Variants in NELL1 observed in about 807,000 individuals in gnomAD.
The protein encoded by NELL1 is neural EGFL like 1, also known as protein kinase C-binding protein NELL1.
Under a neutral mutation model 107.4 loss-of-function variants are expected in NELL1, and 76 were observed. The ratio of observed to expected loss-of-function variants is 0.71; its 90% CI spans 0.59 to 0.86. The LOEUF (loss-of-function observed/expected upper bound fraction) is 0.86, where lower values mean the gene tolerates loss of function less well. NELL1 is among the 40% of genes least tolerant of loss of function. NELL1 has a pLI of 0.00. For missense variants in NELL1, 1,024 were observed against 1,005.5 expected (o/e 1.02, Z -0.25); for synonymous variants, 353 against 341.2 (o/e 1.03, Z -0.38).
At chr11:20,979,641 C>G (rs915245047) in intron 12 of NELL1, among the ~76,000 whole-genome samples, 8 of 152,190 alleles carry the variant, frequency 5.3e-5, no homozygotes, top group African/African-American at 1.7e-4. Flanking sequence ...TCTTGGAACT[C>G]TTAAATTCCC....
chr11:21,507,217 T>C (rs115873756), intron 15 of NELL1, among the ~76,000 whole-genome samples: 1,555 of 152,344 alleles, frequency 0.01, 37 homozygotes, highest in African/African-American at 0.036. Flanking sequence ...TTTTTTCTTC[T>C]TCATTGAATA....
chr11:21,134,009 C>T (rs949015368), intron 13 of NELL1, among the ~76,000 whole-genome samples: 5 of 152,254 alleles, frequency 3.3e-5, no homozygotes, highest in Admixed American at 2.6e-4. Context: ...CACTTTCAGA[C>T]AGGCCGCAGC....
intron 2 of NELL1, among the ~76,000 whole-genome samples, chr11:20,745,704 G>A (rs1012551799): frequency 1.3e-5 from 2 of 152,130 alleles, no homozygotes; most frequent in Non-Finnish European, 2.9e-5. Flanking sequence ...TTTCCATCCA[G>A]TTTAGACCCA....
intron 2 of NELL1, among the ~76,000 whole-genome samples, chr11:20,764,866 T>G (rs1856497440): frequency 6.6e-6 from 1 of 152,196 alleles, no homozygotes; most frequent in Admixed American, 6.5e-5. Flanking sequence ...GGCTGCTGTT[T>G]AAATTGGAAT....
At chr11:21,233,265 A>C (rs1858112480) in intron 14 of NELL1, among the ~76,000 whole-genome samples, 1 of 152,222 alleles carries the variant, frequency 6.6e-6, no homozygotes, top group Admixed American at 6.5e-5. Context: ...TATCTCATTT[A>C]GTTCCCACCA....
intron 15 of NELL1, among the ~76,000 whole-genome samples, chr11:21,380,044 G>T (rs938403229): frequency 2.0e-5 from 3 of 152,030 alleles, no homozygotes; most frequent in African/African-American, 7.2e-5. Flanking sequence ...GGGCATCTGG[G>T]GGGAGAATGA....
intron 5 of NELL1, among the ~76,000 whole-genome samples, chr11:20,894,012 G>A (rs1176705682): frequency 6.6e-6 from 1 of 152,124 alleles, no homozygotes; most frequent in Non-Finnish European, 1.5e-5. Flanking sequence ...GTATGTTGTA[G>A]CCTGGCAGAA....
intron 13 of NELL1, among the ~76,000 whole-genome samples, chr11:21,121,639 C>A (rs902535832): frequency 9.9e-5 from 15 of 151,976 alleles, no homozygotes; most frequent in African/African-American, 3.6e-4. Flanking sequence ...TTCAGTGACC[C>A]CACTATCTCA....
At chr11:21,107,773 G>A (rs1160005425) in intron 12 of NELL1, among the ~76,000 whole-genome samples, 1 of 152,152 alleles carries the variant, frequency 6.6e-6, no homozygotes, top group Non-Finnish European at 1.5e-5. Flanking sequence ...TAGAAGTGAT[G>A]GTTGGCTAAA....
Position 21,483,416 on chromosome 11 carries a change from T to G in NELL1, c.1646-50958T>G, listed in dbSNP as rs557620537. ...TATATGCTTCCTGCAAAGTACGTCT[T>G]CAACAAGCTAACTAAATGAACTGCT... On this transcript the variant is annotated intron_variant, in intron 15 of 19. Coordinates refer to ENST00000357134, the MANE Select transcript of NELL1 (RefSeq NM_006157.5). 5.3e-4 allele frequency among the ~76,000 whole-genome samples: 81 copies of G among 152,260 alleles called. 3 individuals are homozygous for G. The South Asian group carries it at 0.016, about 29-fold the overall frequency.
intron 15 of NELL1, among the ~76,000 whole-genome samples, chr11:21,405,514 C>T (rs537858510): frequency 1.2e-4 from 18 of 152,104 alleles, no homozygotes; most frequent in Non-Finnish European, 1.8e-4. Context: ...GAAGTTAATA[C>T]GAGAAATCAG....
chr11:21,186,595 G>C (rs56409428), intron 13 of NELL1, among the ~76,000 whole-genome samples: 10,705 of 151,862 alleles, frequency 0.07, 465 homozygotes, highest in East Asian at 0.15. Flanking sequence ...GAGCTGCACA[G>C]TTTTGTGTCT....
At chr11:21,150,465 C>A (rs1044128155) in intron 13 of NELL1, among the ~76,000 whole-genome samples, 2 of 152,098 alleles carry the variant, frequency 1.3e-5, no homozygotes, top group African/African-American at 4.8e-5. Flanking sequence ...CATTAATCCT[C>A]TTCAATTGCT....
chr11:21,045,889 C>A (rs1448314624), intron 12 of NELL1, among the ~76,000 whole-genome samples: 1 of 152,098 alleles, frequency 6.6e-6, no homozygotes, highest in Non-Finnish European at 1.5e-5. Flanking sequence ...GTTTTATAAT[C>A]CCCCCAACAC....
At chr11:21,537,403 G>T (rs893829767) in intron 16 of NELL1, among the ~76,000 whole-genome samples, 1 of 152,132 alleles carries the variant, frequency 6.6e-6, no homozygotes, top group African/African-American at 2.4e-5. Context: ...ATGACAAAAA[G>T]CTCATTCCAA....
At chr11:21,570,171 C>T (rs775258403) in intron 17 of NELL1, among the ~76,000 whole-genome samples, 1 of 151,756 alleles carries the variant, frequency 6.6e-6, no homozygotes, top group African/African-American at 2.4e-5. Context: ...TTATTATACA[C>T]CCCTGTAGTA....
chr11:20,774,625 G>C (rs1194420309), intron 2 of NELL1, among the ~76,000 whole-genome samples: 2 of 152,088 alleles, frequency 1.3e-5, no homozygotes, highest in East Asian at 3.9e-4. Context: ...TTCATGAATA[G>C]AAGGTGTGTC....
intron 13 of NELL1, among the ~76,000 whole-genome samples, chr11:21,215,169 G>C (rs1209122940): frequency 6.6e-6 from 1 of 152,108 alleles, no homozygotes; most frequent in Non-Finnish European, 1.5e-5. Context: ...GATAGTGAGT[G>C]CATTCTCATG....
chr11:21,421,457 A>G (rs915285688), intron 15 of NELL1, among the ~76,000 whole-genome samples: 7 of 152,152 alleles, frequency 4.6e-5, no homozygotes, highest in Non-Finnish European at 8.8e-5. Flanking sequence ...TGCAGGAGCC[A>G]TGCTGGGCAA....
Sources: allele counts gnomAD v4.1 joint callset (sites outside exome capture counted in the v4.1 genomes callset), GRCh38; gene constraint gnomAD v4.1.1; transcripts MANE v1.5; gene names NCBI Gene and HGNC (gene_info 2026-07-23, HGNC 2026-07-21).